Variants in ELOVL6 observed in about 807,000 individuals in gnomAD.
The protein encoded by ELOVL6 is very long chain fatty acid elongase 6.
Under a neutral mutation model 31.7 loss-of-function variants are expected in ELOVL6, and 8 were observed. That is an observed-to-expected ratio of 0.25 (90% CI 0.15 to 0.45). ELOVL6 has a LOEUF of 0.45. Among genes scored for constraint, ELOVL6 ranks in the 20% least tolerant of loss-of-function variants. The pLI is 1.00. For synonymous variants in ELOVL6, 101 were observed against 117.7 expected (o/e 0.86, Z 0.92); for missense variants, 126 against 326.4 (o/e 0.39, Z 4.73).
intron 2 of ELOVL6, among the ~76,000 whole-genome samples, chr4:110,087,812 A>AAC (rs1472183898): frequency 2.6e-5 from 4 of 151,452 alleles, no homozygotes; most frequent in African/African-American, 9.7e-5. Flanking sequence ...TGTAAAAAAA[A>AAC]AAAAAACCTC....
At chr4:110,198,074 A>AACCCC in intron 1 of ELOVL6, 173 bp downstream of exon 1, 1 of 431,138 alleles carries the variant, frequency 2.3e-6, no homozygotes, top group South Asian at 2.0e-5. Flanking sequence ...CGCTTCATGT[A>AACCCC]CCCCCCCCCC....
At chr4:110,153,803 A>G (rs1424086331) in intron 1 of ELOVL6, among the ~76,000 whole-genome samples, 1 of 152,228 alleles carries the variant, frequency 6.6e-6, no homozygotes, top group African/African-American at 2.4e-5. Context: ...AGAGCTCTCC[A>G]GTGTCATTCC....
At chr4:110,120,448 G>A (rs1226726062) in intron 1 of ELOVL6, among the ~76,000 whole-genome samples, 1 of 151,898 alleles carries the variant, frequency 6.6e-6, no homozygotes, top group African/African-American at 2.4e-5. Flanking sequence ...ATGTCTGAGT[G>A]TGATAACAAT....
At chr4:110,097,600 A>G (rs576044019) in intron 2 of ELOVL6, among the ~76,000 whole-genome samples, 72 of 152,094 alleles carry the variant, frequency 4.7e-4, no homozygotes, top group Non-Finnish European at 9.1e-4. Context: ...TTTTGGTGTC[A>G]TTTTGTGACC....
At chr4:110,178,553 TAA>T (rs112979932) in intron 1 of ELOVL6, among the ~76,000 whole-genome samples, 19 of 137,598 alleles carry the variant, frequency 1.4e-4, no homozygotes, top group Admixed American at 1.5e-4. Context: ...AGACTCCATC[TAA>T]AAAAAAAAAA....
chr4:110,084,592 T>TATATATATATATATAGA (rs1560816044), intron 2 of ELOVL6, among the ~76,000 whole-genome samples: 1 of 39,070 alleles, frequency 2.6e-5, no homozygotes, highest in African/African-American at 1.6e-4. Flanking sequence ...ATATATATTT[T>TATATATATATATATAGA]TTTTTTTTTT....
chr4:110,174,493 T>C (rs964434076), intron 1 of ELOVL6, among the ~76,000 whole-genome samples: 2 of 152,144 alleles, frequency 1.3e-5, no homozygotes, highest in African/African-American at 4.8e-5. Flanking sequence ...TATATTCTCA[T>C]AATAATGAAT....
chr4:110,113,227 CAA>C (rs754003099), intron 1 of ELOVL6, among the ~76,000 whole-genome samples: 8 of 107,478 alleles, frequency 7.4e-5, no homozygotes, highest in African/African-American at 7.2e-5. Flanking sequence ...GACTCCGTCT[CAA>C]AAAAAAAAAA....
At chr4:110,141,657 G>A (rs1294086373) in intron 1 of ELOVL6, among the ~76,000 whole-genome samples, 2 of 147,712 alleles carry the variant, frequency 1.4e-5, no homozygotes, top group African/African-American at 5.0e-5. Context: ...TATTGTATTA[G>A]TATATATATA....
chr4:110,097,797 A>G (rs1377780249), intron 2 of ELOVL6, among the ~76,000 whole-genome samples: 1 of 45,512 alleles, frequency 2.2e-5, no homozygotes, highest in South Asian at 7.1e-4. Flanking sequence ...CTGCCTTCAG[A>G]AAAAAAAAAA....
At chr4:110,113,420 A>G (rs1757092475) in intron 1 of ELOVL6, among the ~76,000 whole-genome samples, 1 of 151,918 alleles carries the variant, frequency 6.6e-6, no homozygotes, top group Non-Finnish European at 1.5e-5. Context: ...CCATCTCTAC[A>G]AAAAAATTAA....
intron 1 of ELOVL6, chr4:110,146,314 T>C (rs6846918): frequency 0.84 from 128,348 of 152,190 alleles, 54,429 homozygotes; most frequent in African/African-American, 0.92. Context: ...AAATTTTGGA[T>C]ACCATGTACA....
chr4:110,103,503 A>C (rs1353532182), intron 2 of ELOVL6, among the ~76,000 whole-genome samples: 1 of 152,236 alleles, frequency 6.6e-6, no homozygotes, highest in Non-Finnish European at 1.5e-5. Context: ...TCAAGCATTT[A>C]TCCTAATCTT....
intron 1 of ELOVL6, among the ~76,000 whole-genome samples, chr4:110,141,988 T>C (rs1378616868): frequency 1.3e-5 from 2 of 150,256 alleles, no homozygotes; most frequent in African/African-American, 4.9e-5. Context: ...CCTTCAGCTC[T>C]GCTCTACCAA....
Position 110,198,085 on chromosome 4 carries a change from C to G in ELOVL6, c.89+162G>C, listed in dbSNP as rs1009480457. The G allele has an allele frequency of 7.2e-5, 37 of 514,870 alleles. 2 individuals are homozygous for G. Among genetic ancestry groups the G allele is most frequent in the South Asian group, 2.6e-4 (14 of 53,706 alleles). The allele number at this position is 514,870 out of a possible 1,614,324, so 31.9% of individuals were successfully genotyped here. A position where few individuals can be genotyped will look rare whatever the true frequency, so the allele number is the denominator to read the frequency against. ...CTCGCGCTTCATGTACCCCCCCCCC[C>G]CCAGCGTCTCCTGCACCCGGGAGAC... On this transcript the variant is annotated intron_variant, in intron 1 of 3. Coordinates refer to ENST00000302274, the MANE Select transcript of ELOVL6 (RefSeq NM_024090.3).
chr4:110,093,150 A>G (rs1282903649), intron 2 of ELOVL6: 3 of 444,796 alleles, frequency 6.7e-6, no homozygotes, highest in South Asian at 3.3e-5. Context: ...ATGCAAAGAT[A>G]TTACAGAAGT....
At chr4:110,069,146 TAATAATAA>T (rs1755393002) in intron 2 of ELOVL6, among the ~76,000 whole-genome samples, 1 of 139,850 alleles carries the variant, frequency 7.2e-6, no homozygotes, top group Non-Finnish European at 1.5e-5. Flanking sequence ...ATAATAATAA[TAATAATAA>T]TAATAATAAT....
chr4:110,139,838 G>A (rs889318900), intron 1 of ELOVL6, among the ~76,000 whole-genome samples: 2 of 152,074 alleles, frequency 1.3e-5, no homozygotes, highest in Admixed American at 6.6e-5. Context: ...TTTCCCACTT[G>A]GTTGTAAATT....
At chr4:110,173,646 CA>C (rs1759017007) in intron 1 of ELOVL6, among the ~76,000 whole-genome samples, 1 of 137,004 alleles carries the variant, frequency 7.3e-6, no homozygotes, top group Non-Finnish European at 1.6e-5. Flanking sequence ...TGGCCTTTTG[CA>C]GAACTAGAAA....
Sources: allele counts gnomAD v4.1 joint callset (sites outside exome capture counted in the v4.1 genomes callset), GRCh38; gene constraint gnomAD v4.1.1; transcripts MANE v1.5; gene names NCBI Gene and HGNC (gene_info 2026-07-23, HGNC 2026-07-21).